The following RHBDD1 variants were observed in gnomAD, a reference collection of about 807,000 sequenced individuals.
The protein encoded by RHBDD1 is rhomboid domain containing 1.
A neutral mutation model predicts 36.3 loss-of-function variants in RHBDD1; 38 were observed. The observed-to-expected ratio is 1.05, with a 90% confidence interval of 0.81 to 1.37. RHBDD1 has a LOEUF of 1.37. RHBDD1 is among the 40% of genes most tolerant of loss of function. RHBDD1 has a pLI of 0.00. For synonymous variants in RHBDD1, 151 were observed against 136.5 expected, an observed-to-expected ratio of 1.11 and a Z score of -0.74; for missense variants, 393 against 377.6, an observed-to-expected ratio of 1.04 and a Z score of -0.34.
chr2:226,900,752 A>G (rs995000473), intron 5 of RHBDD1, among the ~76,000 whole-genome samples: 1 of 152,120 alleles, frequency 6.6e-6, no homozygotes, highest in Non-Finnish European at 1.5e-5. Flanking sequence ...TGACAAATAA[A>G]TGTTGTATAT....
chr2:226,827,736 T>C, the RHBDD1 span, among the ~76,000 whole-genome samples: 2 of 152,224 alleles, frequency 1.3e-5, no homozygotes, highest in African/African-American at 4.8e-5. Flanking sequence ...TCTGGTTTCA[T>C]TGATAGTAAT....
rs761762498 is a variant in RHBDD1 at position 226,915,565 on chromosome 2, A to G, written c.856+1214A>G. On this transcript the variant is annotated intron_variant, in intron 8 of 8. Transcript: ENST00000392062. ...ATTCTGCGAAGAAGATTGAGCACCA[A>G]TCAGGTACCAAGCATTATGCTAGGT... Among the ~76,000 whole-genome samples, 106 of 152,192 alleles carry G rather than the reference A, an allele frequency of 7.0e-4. 1 individual carries two copies. The highest frequency in any genetic ancestry group is 6.2e-4 in the South Asian group (3 of 4,826).
intron 8 of RHBDD1, among the ~76,000 whole-genome samples, chr2:226,940,916 G>A (rs759459400): frequency 1.3e-5 from 2 of 151,972 alleles, no homozygotes; most frequent in East Asian, 3.9e-4. Context: ...AACCTCTCTG[G>A]AAAGTGCTAG....
the RHBDD1 span, among the ~76,000 whole-genome samples, chr2:226,812,749 T>G: frequency 6.6e-6 from 1 of 152,192 alleles, no homozygotes; most frequent in African/African-American, 2.4e-5. Flanking sequence ...AGGGGACTCA[T>G]TTAAAAAAAT....
intron 5 of RHBDD1, among the ~76,000 whole-genome samples, chr2:226,894,416 G>A (rs1014581042): frequency 1.3e-4 from 20 of 152,038 alleles, no homozygotes; most frequent in Admixed American, 3.3e-4. Context: ...ATTTACAGGC[G>A]TGCACCACCA....
At chr2:226,993,886 G>A (rs1958812097) in intron 8 of RHBDD1, among the ~76,000 whole-genome samples, 1 of 152,224 alleles carries the variant, frequency 6.6e-6, no homozygotes, top group African/African-American at 2.4e-5. Flanking sequence ...GTCAGCTTAT[G>A]CATAGATGGA....
At chr2:226,927,306 T>A (rs1949726336) in intron 8 of RHBDD1, among the ~76,000 whole-genome samples, 1 of 151,990 alleles carries the variant, frequency 6.6e-6, no homozygotes, top group African/African-American at 2.4e-5. Context: ...ATGGTTGAAT[T>A]ATACTCTAGT....
chr2:226,958,608 G>A (rs1052045499), intron 8 of RHBDD1, among the ~76,000 whole-genome samples: 2 of 151,926 alleles, frequency 1.3e-5, no homozygotes, highest in African/African-American at 2.4e-5. Context: ...TTTTCTTAAA[G>A]TAGGTATATC....
At chr2:226,888,196 T>A (rs59170839) in intron 5 of RHBDD1, among the ~76,000 whole-genome samples, 2,428 of 152,256 alleles carry the variant, frequency 0.016, 48 homozygotes, top group East Asian at 0.11. Context: ...TAAACTTCCC[T>A]CCCTAATTAC....
chr2:226,958,805 C>T (rs190487884), intron 8 of RHBDD1, among the ~76,000 whole-genome samples: 1 of 151,750 alleles, frequency 6.6e-6, no homozygotes, highest in Admixed American at 6.6e-5. Context: ...TTCTTTTTCA[C>T]AGACTCCAGG....
At chr2:226,887,545 C>T in intron 5 of RHBDD1, among the ~76,000 whole-genome samples, 1 of 152,206 alleles carries the variant, frequency 6.6e-6, no homozygotes, top group Non-Finnish European at 1.5e-5. Context: ...GGTCACATTT[C>T]CTCCTCTTTC....
At chr2:226,881,022 A>C (rs1945681224) in intron 5 of RHBDD1, among the ~76,000 whole-genome samples, 1 of 152,194 alleles carries the variant, frequency 6.6e-6, no homozygotes. Flanking sequence ...TGATCGGCTC[A>C]CCATTCCACA....
chr2:226,991,681 G>T (rs142802056), intron 8 of RHBDD1, among the ~76,000 whole-genome samples: 1 of 152,182 alleles, frequency 6.6e-6, no homozygotes, highest in African/African-American at 2.4e-5. Context: ...GAGCTACTCA[G>T]TATTCCCATT....
intron 8 of RHBDD1, among the ~76,000 whole-genome samples, chr2:226,992,928 G>A (rs781500517): frequency 3.0e-4 from 45 of 152,180 alleles, no homozygotes; most frequent in Non-Finnish European, 1.0e-4. Flanking sequence ...TGATTCTATT[G>A]GGAGTGAAAG....
chr2:226,969,128 G>A (rs183198417), intron 8 of RHBDD1: 64 of 170,842 alleles, frequency 3.7e-4, no homozygotes, highest in African/African-American at 1.5e-3. Context: ...GAACACTGAG[G>A]TGTTTTATAG....
chr2:226,908,678 A>T, intron 6 of RHBDD1, 144 bp from the exon 7 acceptor site: 1 of 667,614 alleles, frequency 1.5e-6, no homozygotes, highest in East Asian at 2.6e-5. Context: ...TGGCCCCCAA[A>T]CAAAAGGGAG....
At chr2:226,911,369 C>T (rs368497297) in intron 7 of RHBDD1, among the ~76,000 whole-genome samples, 1 of 152,042 alleles carries the variant, frequency 6.6e-6, no homozygotes, top group Non-Finnish European at 1.5e-5. Flanking sequence ...AATTGGCATT[C>T]ATAGGGAATT....
chr2:226,886,594 G>C lies in RHBDD1; in HGVS notation c.566+19276G>C, dbSNP rs373215798. Among the ~76,000 whole-genome samples, 67 of 152,246 alleles carry C rather than the reference G, an allele frequency of 4.4e-4. No individual in the cohort carries two copies. In the South Asian group the frequency reaches 0.013, roughly 29 times the overall value. On this transcript the variant is annotated intron_variant, in intron 5 of 8. Transcript: ENST00000392062. ...AAGATGACAAGATTAGGCTACAAAGGCAACTTCAATCTTCTCTAAAAATAC... is the reference window on the plus strand; with the variant it reads ...AAGATGACAAGATTAGGCTACAAAGCCAACTTCAATCTTCTCTAAAAATAC...
chr2:226,957,279 A>C (rs1324048571), intron 8 of RHBDD1, among the ~76,000 whole-genome samples: 1 of 152,228 alleles, frequency 6.6e-6, no homozygotes, highest in Non-Finnish European at 1.5e-5. Context: ...TGTAAGAGCT[A>C]ACACTCGAAA....
Sources: gnomAD v4.1 joint callset for allele counts (sites outside exome capture counted in the v4.1 genomes callset) on GRCh38, gnomAD v4.1.1 for gene constraint, MANE v1.5 for transcripts, NCBI Gene and HGNC (gene_info 2026-07-23, HGNC 2026-07-21) for gene names.